Variants in NEMP2 observed in about 807,000 individuals in gnomAD.
The protein encoded by NEMP2 is UPF0571 transmembrane protein.
NEMP2 carries 53 observed loss-of-function variants against 54.2 expected under a neutral mutation model. The ratio of observed to expected loss-of-function variants is 0.98; its 90% confidence interval spans 0.78 to 1.23. The LOEUF (loss-of-function observed/expected upper bound fraction) is 1.23, where lower values mean the gene tolerates loss of function less well. NEMP2 is among the 50% of genes most tolerant of loss of function. The pLI is 0.00. For synonymous variants in NEMP2, 197 were observed against 190.3 expected (o/e 1.04, Z -0.29); for missense variants, 455 against 511.3 (o/e 0.89, Z 1.06).
At chr2:190,569,404 A>AAAAAAT in the NEMP2 span, among the ~76,000 whole-genome samples, 1 of 151,766 alleles carries the variant, frequency 6.6e-6, no homozygotes, top group Non-Finnish European at 1.5e-5. Flanking sequence ...AATTTTAAAT[A>AAAAAAT]AAAAAAGGAA....
the NEMP2 span, chr2:190,436,308 C>T: frequency 6.2e-7 from 1 of 1,614,178 alleles, no homozygotes; most frequent in South Asian, 1.1e-5. This position sits in a 1 kb window ranked among gnomAD's most constrained non-coding sequence, Gnocchi z 5.3. Context: ...CTGTGTATTA[C>T]AAACAGCTGG....
chr2:190,466,367 T>C, the NEMP2 span, among the ~76,000 whole-genome samples: 3 of 152,206 alleles, frequency 2.0e-5, no homozygotes, highest in East Asian at 1.9e-4. Flanking sequence ...TCAGTAAATA[T>C]ACGTGTACTT....
At chr2:190,436,391 G>T in the NEMP2 span, 1 of 1,614,088 alleles carries the variant, frequency 6.2e-7, no homozygotes, top group Non-Finnish European at 8.5e-7. The surrounding 1 kb of genome is among the most constrained non-coding windows in gnomAD (Gnocchi z 5.3). Context: ...GCCCCCTTTT[G>T]GGGTGTAGTT....
the NEMP2 span, among the ~76,000 whole-genome samples, chr2:190,476,156 G>T: frequency 6.6e-6 from 1 of 151,246 alleles, no homozygotes; most frequent in Non-Finnish European, 1.5e-5. Context: ...GCATGGGCAA[G>T]GACTTCATGT....
At position 190,510,275 on chromosome 2, in the gene NEMP2, C is replaced by T; in HGVS notation, c.1130+86G>A. ...TATCCAGGGAAACAGTCTATTTCTA[C>T]CCTGAAGTGCCTGTACCAAACCATC... On this transcript the variant is annotated intron_variant, in intron 8 of 8. Transcript: ENST00000409150. This position sits in a 1 kb window ranked among gnomAD's most constrained non-coding sequence, Gnocchi z 5.7. The T allele has an allele frequency of 1.4e-6, 2 of 1,455,718 alleles. No individual in the cohort carries two copies. Among genetic ancestry groups the T allele is most frequent in the Non-Finnish European group, 1.9e-6 (2 of 1,075,964 alleles). The allele number at this position is 1,455,718 out of a possible 1,614,324, so 90.2% of individuals were successfully genotyped here. A position where few individuals can be genotyped will look rare whatever the true frequency, so the allele number is the denominator to read the frequency against.
intron 7 of NEMP2, among the ~76,000 whole-genome samples, chr2:190,511,402 T>C (rs900697300): frequency 6.6e-6 from 1 of 152,140 alleles, no homozygotes; most frequent in East Asian, 1.9e-4. Context: ...GAGTGGATCA[T>C]GATTAGAACT....
the NEMP2 span, among the ~76,000 whole-genome samples, chr2:190,447,409 A>C: frequency 6.6e-6 from 1 of 152,222 alleles, no homozygotes; most frequent in Non-Finnish European, 1.5e-5. The surrounding 1 kb of genome is among the most constrained non-coding windows in gnomAD (Gnocchi z 4.5). Context: ...ATTTGTTAAA[A>C]TATGGCATTT....
chr2:190,518,755 A>G lies in NEMP2; in HGVS notation c.499T>C (p.Tyr167His). 6.5e-7 allele frequency: 1 copy of G among 1,544,378 alleles called. No individual in the cohort carries two copies. Among genetic ancestry groups the G allele is most frequent in the Non-Finnish European group, 8.7e-7 (1 of 1,145,320 alleles). ...ACTTACTGACTCAGGGTCCTTGCATAAAAGAAAAGAAAAACTCCTGCCACA... is the reference window on the plus strand; with the variant it reads ...ACTTACTGACTCAGGGTCCTTGCATGAAAGAAAAGAAAAACTCCTGCCACA... ...VFVAGVFLFF[Y>H]ARTLSQSPTF... The change falls in exon 4 of 9, where the codon TAT becomes CAT. Residue 167 changes from tyrosine (Y) to histidine (H), a missense_variant. Coordinates refer to ENST00000409150, the MANE Select transcript of NEMP2 (RefSeq NM_001142645.2).
the NEMP2 span, among the ~76,000 whole-genome samples, chr2:190,642,739 T>C: frequency 6.6e-6 from 1 of 152,250 alleles, no homozygotes; most frequent in South Asian, 2.1e-4. This position sits in a 1 kb window ranked among gnomAD's most constrained non-coding sequence, Gnocchi z 4.1. Flanking sequence ...TTGTTAAGTA[T>C]AGAATTGTTC....
At chr2:190,573,220 A>G in the NEMP2 span, among the ~76,000 whole-genome samples, 605 of 152,020 alleles carry the variant, frequency 4.0e-3, 4 homozygotes, top group African/African-American at 0.014. Context: ...TATGCCTCTG[A>G]TTTCTTATTT....
rs746327349 is a variant in NEMP2, at chr2:190,516,477, C to T, written c.613-93G>A. On this transcript the variant is annotated intron_variant, in intron 5 of 8. Coordinates refer to ENST00000409150, the MANE Select transcript of NEMP2 (RefSeq NM_001142645.2). ...AAATAAACCTTTTGTATTAGAAACT[C>T]CTACATCAAACTGATTTGAAGTCAA... The T allele has an allele frequency of 3.9e-5, 36 of 921,648 alleles. No homozygotes were observed. In the South Asian group the frequency reaches 5.9e-4, roughly 15 times the overall value. 57.1% of individuals were successfully genotyped at this position (921,648 alleles called of 1,614,324 possible).
Position 190,528,967 on chromosome 2 carries a change from C to A in NEMP2, c.98-3589G>T, listed in dbSNP as rs114092007. On this transcript the variant is annotated intron_variant, in intron 1 of 8. Transcript: ENST00000409150. The surrounding 1 kb of genome is among the most constrained non-coding windows in gnomAD (Gnocchi z 4.3). ...AATAGCCTTCTATCTGGCTGGTCTCCCTGCTTCCAGAATTGCTGCCCCCCA... is the reference window on the plus strand; with the variant it reads ...AATAGCCTTCTATCTGGCTGGTCTCACTGCTTCCAGAATTGCTGCCCCCCA... 5.2e-3 allele frequency among the ~76,000 whole-genome samples: 789 copies of A among 152,262 alleles called. 7 individuals are homozygous for A. Among genetic ancestry groups the A allele is most frequent in the Middle Eastern group, 0.02 (6 of 294 alleles).
the NEMP2 span, among the ~76,000 whole-genome samples, chr2:190,583,240 T>G: frequency 6.6e-6 from 1 of 152,178 alleles, no homozygotes; most frequent in East Asian, 1.9e-4. Context: ...TCTTTTTTTT[T>G]TTTTTTTAAT....
chr2:190,632,649 CAT>C, the NEMP2 span, among the ~76,000 whole-genome samples: 2 of 152,002 alleles, frequency 1.3e-5, no homozygotes, highest in Non-Finnish European at 1.5e-5. The surrounding 1 kb of genome is among the most constrained non-coding windows in gnomAD (Gnocchi z 4.8). Flanking sequence ...CCAACCACTT[CAT>C]CAGGGACCAA....
the NEMP2 span, among the ~76,000 whole-genome samples, chr2:190,577,093 C>T: frequency 1.2e-4 from 18 of 152,156 alleles, no homozygotes; most frequent in Non-Finnish European, 2.1e-4. This position sits in a 1 kb window ranked among gnomAD's most constrained non-coding sequence, Gnocchi z 4.8. Context: ...AGACTGTGTT[C>T]GGGAATCAGT....
the NEMP2 span, among the ~76,000 whole-genome samples, chr2:190,449,617 A>G: frequency 3.9e-5 from 6 of 152,154 alleles, no homozygotes; most frequent in Admixed American, 6.5e-5. Flanking sequence ...AACCAACCCA[A>G]ATGTCCAACA....
the NEMP2 span, among the ~76,000 whole-genome samples, chr2:190,564,507 T>C: frequency 6.6e-6 from 1 of 152,254 alleles, no homozygotes; most frequent in Non-Finnish European, 1.5e-5. This position sits in a 1 kb window ranked among gnomAD's most constrained non-coding sequence, Gnocchi z 4.2. Context: ...AAATTTGCTA[T>C]GCCCTCTTAT....
chr2:190,598,464 T>C, the NEMP2 span, among the ~76,000 whole-genome samples: 1 of 152,274 alleles, frequency 6.6e-6, no homozygotes, highest in Admixed American at 6.5e-5. Flanking sequence ...CACTTCTTAA[T>C]GGATATAAGC....
At chr2:190,497,159 C>A in the NEMP2 span, among the ~76,000 whole-genome samples, 1 of 152,142 alleles carries the variant, frequency 6.6e-6, no homozygotes, top group Non-Finnish European at 1.5e-5. The surrounding 1 kb of genome is among the most constrained non-coding windows in gnomAD (Gnocchi z 5.2). Context: ...TCATTATAAC[C>A]TATGCCCCAC....
Sources: gnomAD v4.1 joint callset for allele counts (sites outside exome capture counted in the v4.1 genomes callset) on GRCh38, gnomAD v4.1.1 for gene constraint, Gnocchi (gnomAD v3.1) non-coding constraint, MANE v1.5 for transcripts, NCBI Gene and HGNC (gene_info 2026-07-23, HGNC 2026-07-21) for gene names.